DENND11: variants seen among roughly 807,000 people sequenced by gnomAD.
DENND11 encodes the protein DENN domain-containing protein 11.
In DENND11, 34 loss-of-function variants were observed where a neutral mutation model predicts 49.2. That is an observed-to-expected ratio of 0.69 (90% CI 0.53 to 0.92). The LOEUF (loss-of-function observed/expected upper bound fraction) is 0.92. DENND11 is among the 40% of genes least tolerant of loss of function. DENND11 has a pLI of 0.00. For synonymous variants in DENND11, 238 were observed against 230.3 expected (o/e 1.03, Z -0.30); for missense variants, 475 against 581.6 (o/e 0.82, Z 1.88).
Position 141,685,521 on chromosome 7 carries a change from T to C in DENND11, c.484A>G (p.Thr162Ala). ...KSVGILSPSYTLLYRYMHFLE... is the reference protein window; with the variant it reads ...KSVGILSPSYALLYRYMHFLE... ...AAGTGCATGTAGCGGTAAAGCAGTG[T>C]GTAGGAGGGAGAGAGGATGCCCACA... Residue 162 changes from threonine to alanine, a missense_variant, in exon 3 of 9, where the codon ACA (threonine) becomes GCA (alanine). Transcript: ENST00000536163. The C allele has an allele frequency of 1.2e-6, 2 of 1,613,870 alleles. No individual in the cohort carries two copies. Among genetic ancestry groups the C allele is most frequent in the Non-Finnish European group, 1.7e-6 (2 of 1,179,862 alleles).
intron 1 of DENND11, among the ~76,000 whole-genome samples, chr7:141,700,505 G>A (rs925614325): frequency 6.7e-6 from 1 of 150,336 alleles, no homozygotes. Flanking sequence ...AGAGAAAAAA[G>A]AATGCATTAC....
At chr7:141,694,147 T>C (rs537011340) in intron 1 of DENND11, among the ~76,000 whole-genome samples, 1 of 152,230 alleles carries the variant, frequency 6.6e-6, no homozygotes, top group South Asian at 2.1e-4. Flanking sequence ...AAAAATAAAA[T>C]ACATTAATTA....
chr7:141,658,252 CAGTT>C lies in DENND11; in HGVS notation c.*4400_*4403del, dbSNP rs1334390225. 7 of 152,176 alleles carry C rather than the reference CAGTT, an allele frequency of 4.6e-5. No homozygotes were observed. Among genetic ancestry groups the C allele is most frequent in the African/African-American group, 9.7e-5 (4 of 41,448 alleles). 9.4% of individuals were successfully genotyped at this position (152,176 alleles called of 1,614,324 possible). A position where few individuals can be genotyped will look rare whatever the true frequency, so the allele number is the denominator to read the frequency against. ...ATAAGAAAAACATTAACTTAATTCA[CAGTT>C]AGCCTTTTCCCACAACACTCAATAC... On this transcript the variant is annotated 3_prime_UTR_variant, in exon 9 of 9. Transcript: ENST00000536163.
intron 1 of DENND11, among the ~76,000 whole-genome samples, chr7:141,689,833 T>C (rs1435983326): frequency 1.3e-5 from 2 of 152,272 alleles, no homozygotes; most frequent in Non-Finnish European, 2.9e-5. Flanking sequence ...ATGTCATCCA[T>C]GCTGATATGT....
Position 141,658,367 on chromosome 7 carries a change from ACTC to A in DENND11, c.*4286_*4288del, listed in dbSNP as rs1474161679. ...GACTTGGGAGTAAACGGAGCCCTTA[ACTC>A]CTCCTCTCCCCCTACCTGAATCACA... is the stretch of plus-strand genomic sequence containing the variant. On this transcript the variant is annotated 3_prime_UTR_variant, in exon 9 of 9. Transcript: ENST00000536163. The A allele has an allele frequency of 9.9e-5, 15 of 151,916 alleles. No homozygotes were observed. The highest frequency in any genetic ancestry group is 3.4e-4 in the African/African-American group (14 of 41,336). 9.4% of individuals were successfully genotyped at this position (151,916 alleles called of 1,614,324 possible). A position where few individuals can be genotyped will look rare whatever the true frequency, so the allele number is the denominator to read the frequency against.
intron 3 of DENND11, among the ~76,000 whole-genome samples, chr7:141,674,680 C>T (rs537966337): frequency 5.3e-5 from 8 of 152,272 alleles, no homozygotes; most frequent in Middle Eastern, 3.4e-3. Flanking sequence ...TGGAAGAATA[C>T]GGAGCTTACC....
chr7:141,666,250 G>C (rs778874573), intron 5 of DENND11, 37 bp downstream of exon 5: 1 of 1,552,980 alleles, frequency 6.4e-7, no homozygotes, highest in African/African-American at 1.4e-5. Flanking sequence ...CTGCTCCAGG[G>C]ATTTAAGCAG....
chr7:141,665,361 A>G (rs1258079073), intron 5 of DENND11, 43 bp from the exon 6 acceptor site: 1 of 1,611,208 alleles, frequency 6.2e-7, no homozygotes. Flanking sequence ...CTGCCCCTCC[A>G]CAGCCCTTCC....
intron 3 of DENND11, among the ~76,000 whole-genome samples, chr7:141,684,642 T>C (rs1798202294): frequency 6.6e-6 from 1 of 152,126 alleles, no homozygotes; most frequent in African/African-American, 2.4e-5. Flanking sequence ...TTATGTTGCA[T>C]AAAAATGTTT....
At chr7:141,675,413 C>T (rs1798049008) in intron 3 of DENND11, among the ~76,000 whole-genome samples, 1 of 152,134 alleles carries the variant, frequency 6.6e-6, no homozygotes, top group African/African-American at 2.4e-5. Context: ...TTATGCAGCC[C>T]CGGAAAAGCC....
Position 141,666,302 on chromosome 7 carries a change from C to A in DENND11, c.805G>T (p.Val269Leu). The A allele has an allele frequency of 6.2e-7, 1 of 1,612,450 alleles. No homozygotes were observed. Among genetic ancestry groups the A allele is most frequent in the Non-Finnish European group, 8.5e-7 (1 of 1,179,006 alleles). ...ILIFSPPPVG[V>L]VCYRVYCCCC... ...TTCTGGTTACCTCTATAGCACACCA[C>A]GCCCACAGGTGGGGGAGAAAATATC... is the stretch of plus-strand genomic sequence containing the variant. The change falls in exon 5 of 9, where the codon GTG becomes TTG. Residue 269 changes from valine to leucine, a missense_variant. Physicochemically the swap from Val to Leu is conservative, Grantham distance 32. Transcript: ENST00000536163.
At chr7:141,677,825 C>T (rs1210204258) in intron 3 of DENND11, among the ~76,000 whole-genome samples, 1 of 151,974 alleles carries the variant, frequency 6.6e-6, no homozygotes, top group Non-Finnish European at 1.5e-5. Flanking sequence ...AACAGTGAAA[C>T]AGTTAAATAA....
intron 1 of DENND11, 150 bp from the exon 2 acceptor site, chr7:141,686,808 C>T: frequency 1.6e-6 from 1 of 618,694 alleles, no homozygotes; most frequent in Admixed American, 2.8e-5. Context: ...TCAGCCCCTC[C>T]ATCACTGGCA....
In DENND11 at chr7:141,662,743, G is replaced by C. The variant is rs1266688907; in HGVS notation, c.1281C>G (p.Pro427=). 1 of 1,611,648 alleles carries C rather than the reference G, an allele frequency of 6.2e-7. No individual in the cohort carries two copies. The highest frequency in any genetic ancestry group is 8.5e-7 in the Non-Finnish European group (1 of 1,179,058). Residue 427 remains proline, a synonymous_variant, in exon 9 of 9, where the codon CCC becomes CCG. Transcript: ENST00000536163. ...CCAGGAGAAAGCTCCGGTCTCCTTGGGGGTCTAGGCCCATGCCCCGGGCAT... is the reference window on the plus strand; with the variant it reads ...CCAGGAGAAAGCTCCGGTCTCCTTGCGGGTCTAGGCCCATGCCCCGGGCAT... The part of the protein sequence containing the change: ...AEHARGMGLD[P]QGDRSFLLDL...
intron 3 of DENND11, among the ~76,000 whole-genome samples, chr7:141,685,029 A>AAATAT (rs1305276426): frequency 6.8e-4 from 62 of 91,536 alleles, no homozygotes; most frequent in Non-Finnish European, 8.9e-4. Context: ...AAAAAAAAAA[A>AAATAT]ATATATATAT....
rs1798529712 is a variant in DENND11, at chr7:141,702,018, G to T, written c.136C>A (p.Pro46Thr). 4.6e-6 allele frequency: 5 copies of T among 1,087,068 alleles called. No homozygotes were observed. The Admixed American group carries it at 2.1e-4, about 46-fold the overall frequency. The allele number at this position is 1,087,068 out of a possible 1,614,324, so 67.3% of individuals were successfully genotyped here. A position where few individuals can be genotyped will look rare whatever the true frequency, so the allele number is the denominator to read the frequency against. ...GGGGARPAAE[P>T]PRRREPEEPA... is the part of the protein sequence containing the mutation. Reference sequence around the variant, plus strand: ...TCCTCGGGCTCCCGCCTCCGGGGCGGCTCCGCGGCCGGCCGGGCGCCCCCG... The same window carrying T: ...TCCTCGGGCTCCCGCCTCCGGGGCGTCTCCGCGGCCGGCCGGGCGCCCCCG... Residue 46 changes from proline to threonine, a missense_variant, in exon 1 of 9, where the codon CCG becomes ACG. By Grantham distance (38) the Pro-to-Thr change is conservative. Coordinates refer to ENST00000536163, the MANE Select transcript of DENND11 (RefSeq NM_001080392.2).
intron 6 of DENND11, 50 bp downstream of exon 6, chr7:141,665,137 G>A (rs556445493): frequency 8.1e-6 from 13 of 1,611,230 alleles, no homozygotes; most frequent in African/African-American, 1.3e-5. Context: ...TGTCTGGGAG[G>A]AGCAGGGCTG....
At position 141,659,950 on chromosome 7, in the gene DENND11, C is replaced by A. The variant is rs1473606026; in HGVS notation, c.*2706G>T. 3 of 152,160 alleles carry A rather than the reference C, an allele frequency of 2.0e-5. No homozygotes were observed. The highest frequency in any genetic ancestry group is 2.0e-4 in the Admixed American group (3 of 15,284). 9.4% of individuals were successfully genotyped at this position (152,160 alleles called of 1,614,324 possible). A position where few individuals can be genotyped will look rare whatever the true frequency, so the allele number is the denominator to read the frequency against. On this transcript the variant is annotated 3_prime_UTR_variant, in exon 9 of 9. Coordinates refer to ENST00000536163, the MANE Select transcript of DENND11 (RefSeq NM_001080392.2). ...GGCAGAAAAGCAGGTCCACATGGCTCCTAGCTTCTGCTGCCACTGTGGAAT... is the reference window on the plus strand; with the variant it reads ...GGCAGAAAAGCAGGTCCACATGGCTACTAGCTTCTGCTGCCACTGTGGAAT...
At chr7:141,674,245 A>C (rs1798031614) in intron 3 of DENND11, 25 bp from the exon 4 acceptor site, 1 of 1,520,928 alleles carries the variant, frequency 6.6e-7, no homozygotes, top group East Asian at 2.5e-5. Context: ...ACACACACAC[A>C]CACACACACA....
Sources: gnomAD v4.1 joint callset for allele counts (sites outside exome capture counted in the v4.1 genomes callset) on GRCh38, gnomAD v4.1.1 for gene constraint, MANE v1.5 for transcripts, NCBI Gene and HGNC (gene_info 2026-07-23, HGNC 2026-07-21) for gene names.